MDGA2: variants seen among roughly 807,000 people sequenced by gnomAD.
MDGA2 encodes the protein MAM domain containing glycosylphosphatidylinositol anchor 2, also known as MAM domain-containing glycosylphosphatidylinositol anchor protein 2.
MDGA2 carries 40 observed loss-of-function variants against 117.8 expected under a neutral mutation model. That is an observed-to-expected ratio of 0.34 (90% confidence interval 0.26 to 0.44). The LOEUF (loss-of-function observed/expected upper bound fraction) is 0.44, where lower values mean the gene tolerates loss of function less well. Among genes scored for constraint, MDGA2 ranks in the 20% least tolerant of loss-of-function variants. The probability of loss-of-function intolerance (pLI) is 1.00; values close to 1 mark genes in which losing one functional copy is unlikely to be tolerated. For synonymous variants in MDGA2, 452 were observed against 439.0 expected, an observed-to-expected ratio of 1.03 and a Z score of -0.37; for missense variants, 1,123 against 1,250.6, an observed-to-expected ratio of 0.90 and a Z score of 1.54.
chr14:47,142,119 T>C (rs1473574550), intron 4 of MDGA2, among the ~76,000 whole-genome samples: 1 of 152,188 alleles, frequency 6.6e-6, no homozygotes, highest in Non-Finnish European at 1.5e-5. Context: ...CTGTGTTCAT[T>C]TCCAAGTGAT....
chr14:47,486,164 G>A lies in MDGA2; in HGVS notation c.281-184614C>T, dbSNP rs373409742. Among the ~76,000 whole-genome samples the A allele has an allele frequency of 5.9e-5, 9 of 152,298 alleles. No homozygotes were observed. In the South Asian group the frequency reaches 1.9e-3, roughly 32 times the overall value. On this transcript the variant is annotated intron_variant, in intron 1 of 16. Transcript: ENST00000399232. ...GAGGCTATACCCTGCAAAGCCACAG[G>A]GGCAGAGCTGACCAAGACTATGGGA...
At chr14:47,184,275 A>C (rs966991480) in intron 3 of MDGA2, among the ~76,000 whole-genome samples, 2 of 151,966 alleles carry the variant, frequency 1.3e-5, no homozygotes, top group African/African-American at 4.8e-5. Flanking sequence ...TTTCCTTGAA[A>C]GCTAGTCAAG....
intron 1 of MDGA2, among the ~76,000 whole-genome samples, chr14:47,497,882 C>T (rs935461748): frequency 4.6e-5 from 7 of 152,058 alleles, no homozygotes; most frequent in Admixed American, 2.6e-4. Flanking sequence ...TAACTTCTGA[C>T]GTCTACAAAT....
chr14:47,607,810 A>G (rs1896768824), intron 1 of MDGA2, among the ~76,000 whole-genome samples: 1 of 152,154 alleles, frequency 6.6e-6, no homozygotes, highest in Non-Finnish European at 1.5e-5. Flanking sequence ...TCAAATAAGT[A>G]GTCAATGGCT....
At chr14:47,357,444 C>T (rs1212427015) in intron 1 of MDGA2, among the ~76,000 whole-genome samples, 1 of 152,170 alleles carries the variant, frequency 6.6e-6, no homozygotes, top group African/African-American at 2.4e-5. Context: ...AATCAATTGG[C>T]CTTAGACTAT....
At chr14:47,626,621 G>C (rs1314694591) in intron 1 of MDGA2, 3 of 152,412 alleles carry the variant, frequency 2.0e-5, no homozygotes, top group African/African-American at 7.2e-5. Flanking sequence ...GTTCCGGGTG[G>C]GCGTGGCCTT....
At chr14:47,034,247 T>A (rs986132742) in intron 8 of MDGA2, among the ~76,000 whole-genome samples, 11 of 152,182 alleles carry the variant, frequency 7.2e-5, no homozygotes, top group African/African-American at 2.7e-4. Context: ...TTATTGACCA[T>A]TAAGTGTGTG....
At chr14:47,244,687 C>G (rs1002252858) in intron 2 of MDGA2, among the ~76,000 whole-genome samples, 2 of 151,734 alleles carry the variant, frequency 1.3e-5, no homozygotes, top group African/African-American at 4.8e-5. Flanking sequence ...AGTACACAGA[C>G]CAGCTGGTAT....
chr14:47,133,695 T>C (rs1882318365), intron 4 of MDGA2, among the ~76,000 whole-genome samples: 1 of 151,998 alleles, frequency 6.6e-6, no homozygotes, highest in Admixed American at 6.6e-5. Flanking sequence ...CAACATATCC[T>C]AAATTGAACT....
Position 47,034,697 on chromosome 14 carries a change from C to G in MDGA2, c.1819+314G>C, listed in dbSNP as rs555895126. On this transcript the variant is annotated intron_variant, in intron 8 of 16. Transcript: ENST00000399232. ...CTTATTGCACATGGACAGTTTCTCA[C>G]CATCAACCAGATAACACCATCATAA... Among the ~76,000 whole-genome samples the G allele has an allele frequency of 1.1e-3, 169 of 151,090 alleles. 1 individual carries two copies. The highest frequency in any genetic ancestry group is 5.0e-3 in the South Asian group (24 of 4,768).
chr14:47,276,941 G>A (rs1396740816), intron 2 of MDGA2, among the ~76,000 whole-genome samples: 6 of 152,104 alleles, frequency 3.9e-5, no homozygotes, highest in African/African-American at 1.4e-4. Context: ...ACTGTGTGGA[G>A]TACAAAGTCA....
chr14:47,066,715 G>A (rs1266028656), intron 6 of MDGA2, among the ~76,000 whole-genome samples: 15 of 114,494 alleles, frequency 1.3e-4, no homozygotes, highest in East Asian at 3.3e-4. Flanking sequence ...ATAATCAGTT[G>A]ATAATCTGAA....
intron 1 of MDGA2, among the ~76,000 whole-genome samples, chr14:47,332,784 T>C (rs1890330750): frequency 6.6e-6 from 1 of 151,924 alleles, no homozygotes; most frequent in Admixed American, 6.6e-5. Context: ...ACTCATTAAG[T>C]AATTTCTCAG....
chr14:47,531,647 A>G (rs1230004416), intron 1 of MDGA2, among the ~76,000 whole-genome samples: 1 of 152,222 alleles, frequency 6.6e-6, no homozygotes. Flanking sequence ...ATTCTATAGC[A>G]CTAAACTAAG....
rs139517325 is a variant in MDGA2, at chr14:46,890,203, A to G, written c.2239-7982T>C. Among the ~76,000 whole-genome samples the G allele has an allele frequency of 2.0e-5, 3 of 151,934 alleles. No individual in the cohort carries two copies. In the East Asian group the frequency reaches 5.8e-4, roughly 30 times the overall value. ...TTTCAAGGCTACTGTTTTTGCTTGG[A>G]CTTTATACAATCTATTAAAAGTTCA... On this transcript the variant is annotated intron_variant, in intron 10 of 16. Transcript: ENST00000399232.
rs71112467 is a variant in MDGA2, at chr14:46,864,545, G to GTTTTTTTT, written c.2752+8880_2752+8887dup. 3.5e-4 allele frequency among the ~76,000 whole-genome samples: 18 copies of GTTTTTTTT among 51,480 alleles called. 1 individual carries two copies. Among genetic ancestry groups the GTTTTTTTT allele is most frequent in the African/African-American group, 8.9e-4 (15 of 16,862 alleles). The allele number at this position is 51,480 out of a possible 152,430, so 33.8% of individuals were successfully genotyped here. ...TTTGTTGCGCTTTGCAGATATTGCTGTTTTTTTTTTTTTTTTTTTTTTTTT... is the reference window on the plus strand; with the variant it reads ...TTTGTTGCGCTTTGCAGATATTGCTGTTTTTTTTTTTTTTTTTTTTTTTTTTTTTTTTT... On this transcript the variant is annotated intron_variant, in intron 14 of 16. Coordinates refer to ENST00000399232, the MANE Select transcript of MDGA2 (RefSeq NM_001113498.3).
At chr14:46,952,668 A>G (rs1885411391) in intron 9 of MDGA2, among the ~76,000 whole-genome samples, 1 of 151,944 alleles carries the variant, frequency 6.6e-6, no homozygotes. Flanking sequence ...AAAGTCATAT[A>G]CAAAAGTCAC....
chr14:47,482,967 T>TA (rs1271755636), intron 1 of MDGA2, among the ~76,000 whole-genome samples: 1 of 151,628 alleles, frequency 6.6e-6, no homozygotes, highest in Non-Finnish European at 1.5e-5. Context: ...TACATCCCCA[T>TA]ACCATGCCCT....
chr14:46,871,411 A>C (rs1163315387), intron 14 of MDGA2: 1 of 151,944 alleles, frequency 6.6e-6, no homozygotes, highest in Non-Finnish European at 1.5e-5. Context: ...TTATGGCTTC[A>C]CTACTTAGCC....
Sources: allele counts gnomAD v4.1 joint callset (sites outside exome capture counted in the v4.1 genomes callset), GRCh38; gene constraint gnomAD v4.1.1; transcripts MANE v1.5; gene names NCBI Gene and HGNC (gene_info 2026-07-23, HGNC 2026-07-21).